RALYL: variants seen among roughly 807,000 people sequenced by gnomAD.
RALYL encodes the protein RALY RNA binding protein like.
A neutral mutation model predicts 35.1 loss-of-function variants in RALYL; 29 were observed. That is an observed-to-expected ratio of 0.83 (90% CI 0.61 to 1.13). RALYL has a LOEUF of 1.13. RALYL is among the 50% of genes most tolerant of loss of function. The pLI is 0.00. For synonymous variants in RALYL, 120 were observed against 127.6 expected (o/e 0.94, Z 0.40); for missense variants, 359 against 360.4 (o/e 1.00, Z 0.03).
chr8:84,529,689 A>G, intron 2 of RALYL, 112 bp downstream of exon 2: 1 of 796,442 alleles, frequency 1.3e-6, no homozygotes, highest in East Asian at 2.9e-5. Context: ...AACCAATTAG[A>G]GTGATTTTAT....
At chr8:84,722,314 A>G (rs1178706777) in intron 2 of RALYL, among the ~76,000 whole-genome samples, 3 of 152,016 alleles carry the variant, frequency 2.0e-5, no homozygotes, top group Non-Finnish European at 4.4e-5. Context: ...TAAAAGAGCA[A>G]TGAGTAATTC....
intron 1 of RALYL, among the ~76,000 whole-genome samples, chr8:84,235,932 A>G (rs1023979029): frequency 1.3e-5 from 2 of 151,652 alleles, no homozygotes; most frequent in Non-Finnish European, 2.9e-5. Flanking sequence ...ACACCCAGCT[A>G]ATTTTTGTAT....
At chr8:84,516,576 T>G (rs1001921185) in intron 1 of RALYL, among the ~76,000 whole-genome samples, 1 of 152,130 alleles carries the variant, frequency 6.6e-6, no homozygotes, top group Non-Finnish European at 1.5e-5. Flanking sequence ...GGACCAAAAT[T>G]GATATCAACA....
intron 1 of RALYL, among the ~76,000 whole-genome samples, chr8:84,317,663 A>G (rs1844009068): frequency 6.6e-6 from 1 of 152,220 alleles, no homozygotes. Flanking sequence ...TGACAGAACA[A>G]AATTGGGCTT....
intron 2 of RALYL, among the ~76,000 whole-genome samples, chr8:84,584,192 A>G (rs1811464963): frequency 6.6e-6 from 1 of 152,186 alleles, no homozygotes; most frequent in African/African-American, 2.4e-5. Context: ...ATACTAGTGG[A>G]CATATTTTAA....
chr8:84,898,120 A>G (rs1845063604), intron 8 of RALYL, among the ~76,000 whole-genome samples: 1 of 152,232 alleles, frequency 6.6e-6, no homozygotes, highest in Non-Finnish European at 1.5e-5. Context: ...AGTTTGGCTA[A>G]AGCAGTGGAA....
chr8:84,467,305 C>G (rs1010622187), intron 1 of RALYL, among the ~76,000 whole-genome samples: 20 of 151,656 alleles, frequency 1.3e-4, no homozygotes, highest in Non-Finnish European at 2.2e-4. Context: ...CCTCTACACA[C>G]TGCTTTGAAT....
Position 84,352,254 on chromosome 8 carries a change from C to T in RALYL, c.-24+167830C>T, listed in dbSNP as rs143847490. ...GATTTCCCATGCTTTGGATTTTACC[C>T]GGTTAGTTCTCCAGTTATACTCTTA... On this transcript the variant is annotated intron_variant, in intron 1 of 8. Coordinates refer to ENST00000521268, the MANE Select transcript of RALYL (RefSeq NM_173848.7). Among the ~76,000 whole-genome samples the T allele has an allele frequency of 1.7e-4, 25 of 150,084 alleles. No homozygotes were observed. The East Asian group carries it at 3.9e-3, about 23-fold the overall frequency.
chr8:84,710,231 C>T (rs1192384754), intron 2 of RALYL, among the ~76,000 whole-genome samples: 1 of 151,750 alleles, frequency 6.6e-6, no homozygotes, highest in East Asian at 1.9e-4. Flanking sequence ...TTCCTAAATG[C>T]CTCTCCAGTT....
At chr8:84,248,276 T>C (rs1236784608) in intron 1 of RALYL, among the ~76,000 whole-genome samples, 1 of 152,072 alleles carries the variant, frequency 6.6e-6, no homozygotes, top group East Asian at 1.9e-4. Context: ...CTGAACAACA[T>C]TTCAGGGGGC....
At chr8:84,325,690 G>A (rs541798416) in intron 1 of RALYL, among the ~76,000 whole-genome samples, 20 of 152,228 alleles carry the variant, frequency 1.3e-4, no homozygotes, top group African/African-American at 3.1e-4. Flanking sequence ...TTGTTTCCAC[G>A]CTGCCCAGTT....
chr8:84,837,592 T>C (rs535048807), intron 4 of RALYL, among the ~76,000 whole-genome samples: 1 of 152,300 alleles, frequency 6.6e-6, no homozygotes, highest in South Asian at 2.1e-4. Flanking sequence ...TTGTGATTCT[T>C]CTATAAATGA....
chr8:84,716,522 C>T (rs531771040), intron 2 of RALYL, among the ~76,000 whole-genome samples: 4 of 152,016 alleles, frequency 2.6e-5, no homozygotes, highest in Non-Finnish European at 4.4e-5. Flanking sequence ...TATAAGTGGT[C>T]GTAAAATTTT....
At chr8:84,298,879 G>A (rs1275434573) in intron 1 of RALYL, among the ~76,000 whole-genome samples, 1 of 151,952 alleles carries the variant, frequency 6.6e-6, no homozygotes, top group African/African-American at 2.4e-5. Flanking sequence ...CTGGTGTATA[G>A]AAATACTACT....
At chr8:84,304,693 C>T (rs1264268728) in intron 1 of RALYL, among the ~76,000 whole-genome samples, 1 of 152,088 alleles carries the variant, frequency 6.6e-6, no homozygotes, top group Non-Finnish European at 1.5e-5. Flanking sequence ...TTTGCTCTTT[C>T]TACATATCTG....
chr8:84,723,890 T>A (rs1844454523), intron 2 of RALYL, among the ~76,000 whole-genome samples: 1 of 151,804 alleles, frequency 6.6e-6, no homozygotes, highest in African/African-American at 2.4e-5. Flanking sequence ...ATGCTTATCA[T>A]GCTGTAAATT....
At chr8:84,267,634 A>G (rs1183074092) in intron 1 of RALYL, among the ~76,000 whole-genome samples, 1 of 152,170 alleles carries the variant, frequency 6.6e-6, no homozygotes, top group Non-Finnish European at 1.5e-5. Flanking sequence ...CTGGAATACC[A>G]TTTAAAACTA....
chr8:84,676,211 T>C (rs1156683152), intron 2 of RALYL, among the ~76,000 whole-genome samples: 3 of 152,208 alleles, frequency 2.0e-5, no homozygotes, highest in African/African-American at 7.2e-5. Flanking sequence ...GTAATTGCAA[T>C]TGCAAAAACC....
At chr8:84,605,365 A>G (rs1478252222) in intron 2 of RALYL, among the ~76,000 whole-genome samples, 1 of 152,118 alleles carries the variant, frequency 6.6e-6, no homozygotes, top group African/African-American at 2.4e-5. Flanking sequence ...TAAGCAATCC[A>G]CAAAAACCAA....
Sources: allele counts gnomAD v4.1 joint callset (sites outside exome capture counted in the v4.1 genomes callset), GRCh38; gene constraint gnomAD v4.1.1; transcripts MANE v1.5; gene names NCBI Gene and HGNC (gene_info 2026-07-23, HGNC 2026-07-21).